NAALADL2: variants seen among roughly 807,000 people sequenced by gnomAD.
NAALADL2 encodes N-acetylated alpha-linked acidic dipeptidase like 2.
A neutral mutation model predicts 87.2 loss-of-function variants in NAALADL2; 76 were observed. The ratio of observed to expected loss-of-function variants is 0.87; its 90% CI spans 0.72 to 1.05. The LOEUF is 1.05. NAALADL2 is among the 50% of genes least tolerant of loss of function. The probability of loss-of-function intolerance (pLI) is 0.00; values close to 1 mark genes in which losing one functional copy is unlikely to be tolerated. For synonymous variants in NAALADL2, 354 were observed against 331.0 expected (o/e 1.07, Z -0.75); for missense variants, 1,089 against 945.8 (o/e 1.15, Z -1.99).
At chr3:175,698,752 A>G (rs1352683594) in intron 11 of NAALADL2, among the ~76,000 whole-genome samples, 1 of 151,764 alleles carries the variant, frequency 6.6e-6, no homozygotes, top group Admixed American at 6.6e-5. Context: ...CATTAATACA[A>G]TTACCTCCAG....
rs113911439 is a variant in NAALADL2, at chr3:174,629,941, C to T, written c.-115+79304C>T. On this transcript the variant is annotated intron_variant, in intron 2 of 3. Coordinates refer to the NAALADL2 transcript ENST00000434257. ...TGAAGTTGAAAGGGTAGCTTATTAG[C>T]GTAATGTTGTGCATAAAGAAATTTG... is the stretch of plus-strand genomic sequence containing the variant. Among the ~76,000 whole-genome samples the T allele has an allele frequency of 7.1e-3, 1,084 of 152,222 alleles. 4 individuals are homozygous for T. Among genetic ancestry groups the T allele is most frequent in the Non-Finnish European group, 0.012 (791 of 67,980 alleles).
rs1553916905 is a variant in NAALADL2 at position 175,013,301 on chromosome 3, A to ATATAT, written c.44-83488_44-83487insATATT. On this transcript the variant is annotated intron_variant, in intron 1 of 13. Transcript: ENST00000454872. ...TACATATATATATATATATATATAT[A>ATATAT]TTTTTTTTTTTTTTTGAGACAGGGT... Among the ~76,000 whole-genome samples, 15 of 72,072 alleles carry ATATAT rather than the reference A, an allele frequency of 2.1e-4. 1 individual carries two copies. Among genetic ancestry groups the ATATAT allele is most frequent in the African/African-American group, 7.6e-4 (13 of 17,148 alleles). The allele number at this position is 72,072 out of a possible 152,430, so 47.3% of individuals were successfully genotyped here.
intron 3 of NAALADL2, among the ~76,000 whole-genome samples, chr3:174,786,930 T>C (rs1360200897): frequency 6.6e-6 from 1 of 152,114 alleles, no homozygotes; most frequent in Non-Finnish European, 1.5e-5. Context: ...TGGCTAGCCA[T>C]GTCATGGTGA....
chr3:175,793,694 C>G (rs114694808), intron 13 of NAALADL2, among the ~76,000 whole-genome samples: 1,913 of 152,188 alleles, frequency 0.013, 41 homozygotes, highest in African/African-American at 0.043. Flanking sequence ...TAAATAACCT[C>G]ATACCATATA....
At chr3:175,785,747 A>C (rs1386397522) in intron 13 of NAALADL2, among the ~76,000 whole-genome samples, 5 of 147,630 alleles carry the variant, frequency 3.4e-5, no homozygotes, top group East Asian at 3.9e-4. Flanking sequence ...TCCTGTCATT[A>C]TGATGTTAGC....
chr3:175,675,542 C>T (rs1734651734), intron 11 of NAALADL2: 1 of 152,168 alleles, frequency 6.6e-6, no homozygotes, highest in Non-Finnish European at 1.5e-5. Flanking sequence ...TATGCTGTGG[C>T]TATATTTTAG....
At chr3:175,633,868 A>G (rs1728150072) in intron 11 of NAALADL2, among the ~76,000 whole-genome samples, 1 of 151,732 alleles carries the variant, frequency 6.6e-6, no homozygotes, top group East Asian at 1.9e-4. Context: ...TTTTTGTAAT[A>G]TGTAAACAGG....
intron 1 of NAALADL2, among the ~76,000 whole-genome samples, chr3:175,033,456 C>T (rs879374230): frequency 6.6e-5 from 10 of 152,026 alleles, no homozygotes; most frequent in Admixed American, 4.6e-4. Context: ...TCCTTCTCAG[C>T]ATATGTCTAA....
rs1713332325 is a variant in NAALADL2 at position 174,559,625 on chromosome 3, G to A, written c.-115+8988G>A. On this transcript the variant is annotated intron_variant, in intron 2 of 3. Coordinates refer to the NAALADL2 transcript ENST00000434257. ...TTTCTCACAGTTCTGGAGGCTAGAA[G>A]TCTGAAATTAGGTTGCCAGCATAAT... is the stretch of plus-strand genomic sequence containing the variant. Among the ~76,000 whole-genome samples, 4 of 152,310 alleles carry A rather than the reference G, an allele frequency of 2.6e-5. 1 individual carries two copies. The South Asian group carries it at 8.3e-4, about 32-fold the overall frequency.
chr3:175,263,580 C>T (rs576548188), intron 4 of NAALADL2, among the ~76,000 whole-genome samples: 39 of 151,742 alleles, frequency 2.6e-4, no homozygotes, highest in Non-Finnish European at 3.7e-4. Flanking sequence ...GGTTGATTTT[C>T]GCATATTTCT....
chr3:175,666,036 A>G (rs143229612), intron 11 of NAALADL2, among the ~76,000 whole-genome samples: 1 of 152,292 alleles, frequency 6.6e-6, no homozygotes, highest in African/African-American at 2.4e-5. Context: ...TAGAACACTG[A>G]AATTTTGAGA....
chr3:175,104,777 C>T (rs757145207), intron 2 of NAALADL2, among the ~76,000 whole-genome samples: 4 of 152,116 alleles, frequency 2.6e-5, no homozygotes, highest in African/African-American at 7.2e-5. Context: ...ATTAGCTATC[C>T]TATCGTTGAT....
intron 5 of NAALADL2, among the ~76,000 whole-genome samples, chr3:175,368,048 G>A (rs1450648782): frequency 6.6e-6 from 1 of 152,088 alleles, no homozygotes; most frequent in African/African-American, 2.4e-5. Flanking sequence ...CTAATTTATT[G>A]AGAGTTTTTA....
At chr3:174,759,903 G>A (rs773884219) in intron 3 of NAALADL2, among the ~76,000 whole-genome samples, 7 of 152,100 alleles carry the variant, frequency 4.6e-5, no homozygotes, top group Non-Finnish European at 1.0e-4. Context: ...GTTTTGCCAT[G>A]TTGGCCAGGC....
intron 2 of NAALADL2, among the ~76,000 whole-genome samples, chr3:174,734,797 G>A (rs1180768608): frequency 6.6e-6 from 1 of 152,094 alleles, no homozygotes; most frequent in Admixed American, 6.5e-5. Context: ...AAAGCAGAAG[G>A]AATTTAAGAC....
At chr3:175,196,511 T>C (rs193002660) in intron 2 of NAALADL2, among the ~76,000 whole-genome samples, 1 of 152,058 alleles carries the variant, frequency 6.6e-6, no homozygotes, top group Non-Finnish European at 1.5e-5. Context: ...CAAATCTCTT[T>C]CTAAAATTAT....
At chr3:174,728,626 C>T (rs1732420892) in intron 2 of NAALADL2, among the ~76,000 whole-genome samples, 1 of 151,872 alleles carries the variant, frequency 6.6e-6, no homozygotes. Flanking sequence ...CTCAATATAA[C>T]CCCATAAAAT....
intron 11 of NAALADL2, among the ~76,000 whole-genome samples, chr3:175,710,497 C>T (rs765103211): frequency 9.2e-5 from 14 of 151,648 alleles, no homozygotes; most frequent in Non-Finnish European, 1.8e-4. Flanking sequence ...TGTCTAGGAA[C>T]TGTTTTCTTC....
At chr3:174,670,222 TTTTA>T (rs10575958) in intron 2 of NAALADL2, among the ~76,000 whole-genome samples, 96,203 of 151,360 alleles carry the variant, frequency 0.64, 31,282 homozygotes, top group Admixed American at 0.72. Context: ...TTTAGGTACC[TTTTA>T]TTTCTTTTTT....
Sources: allele counts gnomAD v4.1 joint callset (sites outside exome capture counted in the v4.1 genomes callset), GRCh38; gene constraint gnomAD v4.1.1; transcripts MANE v1.5; gene names NCBI Gene and HGNC (gene_info 2026-07-23, HGNC 2026-07-21).